The following KIAA2012 variants were observed in gnomAD, a reference collection of about 807,000 sequenced individuals.
The protein encoded by KIAA2012 is uncharacterized protein KIAA2012.
In KIAA2012, 125 loss-of-function variants were observed where a neutral mutation model predicts 150.6. That is an observed-to-expected ratio of 0.83 (90% CI 0.72 to 0.96). The LOEUF (loss-of-function observed/expected upper bound fraction) is 0.96, where lower values mean the gene tolerates loss of function less well. Among genes scored for constraint, KIAA2012 ranks in the 40% least tolerant of loss-of-function variants. KIAA2012 has a pLI of 0.00. For missense variants in KIAA2012, 1,219 were observed against 1,354.9 expected (o/e 0.90, Z 1.57); for synonymous variants, 462 against 504.7 (o/e 0.92, Z 1.13).
At chr2:202,172,220 T>C (rs1286062498) in intron 15 of KIAA2012, among the ~76,000 whole-genome samples, 3 of 152,242 alleles carry the variant, frequency 2.0e-5, no homozygotes, top group African/African-American at 7.2e-5. Flanking sequence ...GCAAAGTGCA[T>C]TGTTTCTATT....
At chr2:202,197,074 G>A in intron 22 of KIAA2012, 55 bp downstream of exon 22, 1 of 1,549,034 alleles carries the variant, frequency 6.5e-7, no homozygotes, top group Non-Finnish European at 8.7e-7. Flanking sequence ...GGGCTTCACT[G>A]TCCAGTGCTA....
At chr2:202,113,246 G>C (rs146399277) in intron 10 of KIAA2012, 90 bp from the exon 11 acceptor site, 9 of 945,650 alleles carry the variant, frequency 9.5e-6, no homozygotes, top group Non-Finnish European at 1.1e-5. Context: ...GTGTGTGCCC[G>C]CGGGGGACCA....
chr2:202,090,767 C>T lies in KIAA2012; in HGVS notation c.370-3C>T. The T allele has an allele frequency of 6.5e-7, 1 of 1,546,936 alleles. No individual in the cohort carries two copies. The highest frequency in any genetic ancestry group is 8.7e-7 in the Non-Finnish European group (1 of 1,144,488). ...TGCTGTTTCCTGACTGGTGTCCCCA[C>T]AGGGAGAGCAGGACAGAGCCTGGCA... On this transcript the variant is annotated splice_polypyrimidine_tract_variant and splice_region_variant and intron_variant, in intron 2 of 23. Transcript: ENST00000498697.
chr2:202,204,504 TCTGAA>T (rs1334418402), intron 23 of KIAA2012, among the ~76,000 whole-genome samples: 1 of 152,224 alleles, frequency 6.6e-6, no homozygotes, highest in Non-Finnish European at 1.5e-5. Context: ...ATCTAGAGCA[TCTGAA>T]CTGAATTTTT....
intron 21 of KIAA2012, 122 bp from the exon 22 acceptor site, chr2:202,196,678 C>A: frequency 7.8e-7 from 1 of 1,289,932 alleles, no homozygotes. Context: ...AGCCTGCTAG[C>A]AGGTCAACTG....
intron 15 of KIAA2012, among the ~76,000 whole-genome samples, chr2:202,171,381 C>G (rs936647565): frequency 2.0e-5 from 3 of 152,216 alleles, no homozygotes; most frequent in African/African-American, 7.2e-5. Flanking sequence ...GCGCTGGGAG[C>G]AGCTTCTCTC....
chr2:202,075,130 A>C lies in KIAA2012; in HGVS notation c.324A>C (p.Thr108=), dbSNP rs1449607589. Reference sequence around the variant, plus strand: ...GGAAGCTGGATCTTGAACTGCACACACTTCAAGACCTCAAAGAAGCCATCC... The same window carrying C: ...GGAAGCTGGATCTTGAACTGCACACCCTTCAAGACCTCAAAGAAGCCATCC... The part of the protein sequence containing the change: ...PWRKLDLELH[T]LQDLKEAILA... The change falls in exon 2 of 24, where the codon ACA becomes ACC. Residue 108 remains threonine, a synonymous_variant. Transcript: ENST00000498697. 3 of 1,549,576 alleles carry C rather than the reference A, an allele frequency of 1.9e-6. No individual in the cohort carries two copies. Among genetic ancestry groups the C allele is most frequent in the Non-Finnish European group, 2.6e-6 (3 of 1,146,812 alleles).
chr2:202,125,515 A>G (rs1690761243), intron 12 of KIAA2012, among the ~76,000 whole-genome samples: 1 of 152,124 alleles, frequency 6.6e-6, no homozygotes, highest in South Asian at 2.1e-4. Flanking sequence ...CGTCGGGTGG[A>G]ACCAAGTGCT....
chr2:202,193,483 G>C lies in KIAA2012; in HGVS notation c.2994G>C (p.Gln998His). ...KMEEELELEQQRRTEEIRLRK... is the reference protein window; with the variant it reads ...KMEEELELEQHRRTEEIRLRK... ...AGGAGGAGCTGGAGCTGGAGCAGCA[G>C]AGACGTACAGAAGAGATCCGGTAGG... Residue 998 changes from glutamine to histidine, a missense_variant, in exon 20 of 24, where the codon CAG (glutamine) becomes CAC (histidine). Transcript: ENST00000498697. The C allele has an allele frequency of 1.3e-6, 2 of 1,550,172 alleles. No individual in the cohort carries two copies. Among genetic ancestry groups the C allele is most frequent in the Non-Finnish European group, 1.7e-6 (2 of 1,146,898 alleles).
In KIAA2012 at chr2:202,193,305, T is replaced by A. The variant is rs1296690222; in HGVS notation, c.2816T>A (p.Leu939His). 6.5e-7 allele frequency: 1 copy of A among 1,549,308 alleles called. No homozygotes were observed. The highest frequency in any genetic ancestry group is 1.4e-5 in the African/African-American group (1 of 73,116). The change falls in exon 20 of 24, where the codon CTC becomes CAC. Residue 939 changes from leucine (L) to histidine (H), a missense_variant. Coordinates refer to ENST00000498697, the MANE Select transcript of KIAA2012 (RefSeq NM_001277372.4). ...GAGAACACTCTGGTTTCTTAGGCCC[T>A]CCTCACTAAGAGGGAGCAGGAGAAG... ...ERRCEDPSKALLTKREQEKAS... is the reference protein window; with the variant it reads ...ERRCEDPSKAHLTKREQEKAS...
intron 15 of KIAA2012, among the ~76,000 whole-genome samples, chr2:202,177,147 A>G (rs1396111419): frequency 6.6e-6 from 1 of 152,224 alleles, no homozygotes; most frequent in African/African-American, 2.4e-5. Flanking sequence ...GTTAATCCCA[A>G]AAGACTTATT....
chr2:202,105,934 T>G, intron 9 of KIAA2012, 24 bp downstream of exon 9: 1 of 1,550,646 alleles, frequency 6.4e-7, no homozygotes, highest in Non-Finnish European at 8.7e-7. Context: ...CCCTCCAGCA[T>G]CCCTCGGGAA....
intron 13 of KIAA2012, among the ~76,000 whole-genome samples, chr2:202,149,687 G>A (rs553188808): frequency 1.1e-4 from 16 of 152,370 alleles, no homozygotes; most frequent in African/African-American, 3.4e-4. Context: ...AGGAGGGCCG[G>A]AGGGACACCT....
chr2:202,097,562 T>G lies in KIAA2012; in HGVS notation c.813T>G (p.Asp271Glu). The change falls in exon 5 of 24, where the codon GAT becomes GAG. Residue 271 changes from aspartate (D) to glutamate (E), a missense_variant. Coordinates refer to ENST00000498697, the MANE Select transcript of KIAA2012 (RefSeq NM_001277372.4). Reference protein sequence around the residue: ...PPRRKQPWQEDETQAEDTSIE... With the variant: ...PPRRKQPWQEEETQAEDTSIE... ...GCAGGAAGCAGCCCTGGCAGGAAGA[T>G]GAAACGCAGGCAGAGGTACCATTTC... 3 of 1,546,570 alleles carry G rather than the reference T, an allele frequency of 1.9e-6. No homozygotes were observed. Among genetic ancestry groups the G allele is most frequent in the Non-Finnish European group, 2.6e-6 (3 of 1,146,390 alleles).
intron 15 of KIAA2012, among the ~76,000 whole-genome samples, chr2:202,181,992 AGCC>A (rs975636785): frequency 6.6e-6 from 1 of 151,890 alleles, no homozygotes; most frequent in Non-Finnish European, 1.5e-5. Flanking sequence ...CCCCTATTCC[AGCC>A]TCCTTCATCC....
intron 14 of KIAA2012, among the ~76,000 whole-genome samples, chr2:202,158,626 T>G (rs1691585314): frequency 6.6e-6 from 1 of 152,182 alleles, no homozygotes; most frequent in Non-Finnish European, 1.5e-5. Flanking sequence ...TCTCCCAAAG[T>G]GCTGGGATTA....
At chr2:202,201,705 TGGTG>T in intron 22 of KIAA2012, 1 of 1,580,646 alleles carries the variant, frequency 6.3e-7, no homozygotes, top group Non-Finnish European at 8.7e-7. Flanking sequence ...GCGGCCGACA[TGGTG>T]GGGACTGTGG....
chr2:202,192,301 T>A (rs763107089), intron 19 of KIAA2012, among the ~76,000 whole-genome samples: 16 of 152,190 alleles, frequency 1.1e-4, no homozygotes, highest in Non-Finnish European at 2.2e-4. Flanking sequence ...CATAGGCATA[T>A]TTCTGAGGAA....
Position 202,073,690 on chromosome 2 carries a change from A to G in KIAA2012, c.63A>G (p.Leu21=), listed in dbSNP as rs1196327939. Residue 21 remains leucine (L), a synonymous_variant, in exon 1 of 24, where the codon TTA becomes TTG. Transcript: ENST00000498697. ...HGKLGQDKQK[L]EVYFEPEDYL... ...AGCTGGGCCAGGACAAACAGAAGTT[A>G]GAAGTCTACTTTGAACCAGAGGTGA... 6.4e-6 allele frequency: 10 copies of G among 1,550,476 alleles called. No homozygotes were observed. The highest frequency in any genetic ancestry group is 3.6e-5 in the South Asian group (3 of 84,054).
Sources: gnomAD v4.1 joint callset for allele counts (sites outside exome capture counted in the v4.1 genomes callset) on GRCh38, gnomAD v4.1.1 for gene constraint, MANE v1.5 for transcripts, NCBI Gene and HGNC (gene_info 2026-07-23, HGNC 2026-07-21) for gene names.